Variants in IGF2BP3 observed in about 807,000 individuals in gnomAD.
IGF2BP3 encodes insulin like growth factor 2 mRNA binding protein 3, also known as insulin-like growth factor 2 mRNA-binding protein 3.
In IGF2BP3, 9 loss-of-function variants were observed where a neutral mutation model predicts 73.8. That is an observed-to-expected ratio of 0.12 (90% CI 0.07 to 0.21). IGF2BP3 has a LOEUF of 0.21. Ranked by LOEUF, IGF2BP3 falls within the 10% of genes least tolerant of loss-of-function variation. The pLI is 1.00. For missense variants in IGF2BP3, 542 were observed against 714.0 expected (o/e 0.76, Z 2.75); for synonymous variants, 258 against 256.7 (o/e 1.01, Z -0.05).
In IGF2BP3 at chr7:23,311,105, T is replaced by G. The variant is rs1783814938; in HGVS notation, c.*1257A>C. ...TCCTGTTATACTTTACTACTTAAGG[T>G]GGAGTCTAATTTTTTTTTTTTAATT... On this transcript the variant is annotated 3_prime_UTR_variant, in exon 15 of 15. Transcript: ENST00000258729. 6.6e-6 allele frequency: 1 copy of G among 152,104 alleles called. No individual in the cohort carries two copies. The highest frequency in any genetic ancestry group is 1.5e-5 in the Non-Finnish European group (1 of 68,024). The allele number at this position is 152,104 out of a possible 1,614,324, so 9.4% of individuals were successfully genotyped here.
intron 3 of IGF2BP3, among the ~76,000 whole-genome samples, chr7:23,406,175 G>A (rs1786824028): frequency 6.6e-6 from 1 of 152,044 alleles, no homozygotes; most frequent in Admixed American, 6.6e-5. Context: ...AGAAGCTATA[G>A]TTCCAAGGGG....
chr7:23,360,217 T>C (rs775100337), intron 5 of IGF2BP3, among the ~76,000 whole-genome samples: 4 of 152,164 alleles, frequency 2.6e-5, no homozygotes, highest in African/African-American at 9.7e-5. Context: ...ATCATGTGGA[T>C]ACATGCTTAC....
rs138438351 is a variant in IGF2BP3, at chr7:23,342,074, G to A, written c.1193C>T (p.Pro398Leu). The A allele has an allele frequency of 9.9e-5, 156 of 1,579,044 alleles. No homozygotes were observed. The highest frequency in any genetic ancestry group is 2.1e-4 in the Middle Eastern group (1 of 4,800). The change falls in exon 10 of 15, where the codon CCG becomes CTG. Residue 398 changes from proline (P) to leucine (L), a missense_variant. Physicochemically the swap from Pro to Leu is moderately conservative, Grantham distance 98. Transcript: ENST00000258729. ...GGCCAGTTATCTTACCTCAAACTGC[G>A]GGTAGGGAGGAGTCATGGCTGAAGG... ...GPPSAMTPPYPQFEQSETETV... is the reference protein window; with the variant it reads ...GPPSAMTPPYLQFEQSETETV...
chr7:23,444,143 T>A (rs1477605747), intron 2 of IGF2BP3, among the ~76,000 whole-genome samples: 1 of 152,180 alleles, frequency 6.6e-6, no homozygotes, highest in Admixed American at 6.6e-5. Context: ...GTTTGGGGGT[T>A]TTGTTCTTTT....
At chr7:23,366,331 T>C (rs1039560047) in intron 3 of IGF2BP3, among the ~76,000 whole-genome samples, 1 of 151,824 alleles carries the variant, frequency 6.6e-6, no homozygotes, top group Non-Finnish European at 1.5e-5. Flanking sequence ...AGAGACGGGG[T>C]TTCACCATGT....
intron 2 of IGF2BP3, among the ~76,000 whole-genome samples, chr7:23,445,813 A>C (rs921995221): frequency 6.6e-6 from 1 of 152,180 alleles, no homozygotes; most frequent in African/African-American, 2.4e-5. Context: ...GTTATGTTTA[A>C]GTAGAGGGCA....
chr7:23,360,434 T>G (rs1328814063), intron 5 of IGF2BP3, among the ~76,000 whole-genome samples: 4 of 152,208 alleles, frequency 2.6e-5, no homozygotes, highest in African/African-American at 9.7e-5. Flanking sequence ...AATACATACA[T>G]GTAGCATTTG....
In IGF2BP3 at chr7:23,333,946, C is replaced by A. The variant is rs527240628; in HGVS notation, c.1203+8118G>T. 2.6e-5 allele frequency among the ~76,000 whole-genome samples: 4 copies of A among 152,250 alleles called. No homozygotes were observed. In the East Asian group the frequency reaches 7.7e-4, roughly 29 times the overall value. On this transcript the variant is annotated intron_variant, in intron 10 of 14. Transcript: ENST00000258729. ...AAGATTACTTTTCAAGAAAATTTTC[C>A]TCTGGGAATGTAAGGCAGCTCACAT... is the stretch of plus-strand genomic sequence containing the variant.
intron 6 of IGF2BP3, among the ~76,000 whole-genome samples, chr7:23,349,687 C>A (rs1562691483): frequency 6.6e-6 from 1 of 152,196 alleles, no homozygotes; most frequent in Admixed American, 6.5e-5. Flanking sequence ...ATTAAATCCA[C>A]TGGCAGAGCT....
intron 3 of IGF2BP3, among the ~76,000 whole-genome samples, chr7:23,398,663 GTGA>G (rs1307353121): frequency 8.5e-5 from 13 of 152,318 alleles, no homozygotes; most frequent in African/African-American, 2.9e-4. Context: ...CTGATGGCCA[GTGA>G]TGATGAGCAT....
intron 10 of IGF2BP3, among the ~76,000 whole-genome samples, chr7:23,323,106 A>T (rs1311345168): frequency 6.6e-6 from 1 of 152,202 alleles, no homozygotes; most frequent in Non-Finnish European, 1.5e-5. Flanking sequence ...TAAATGCTCC[A>T]ATTAAAAGAC....
chr7:23,324,960 A>G (rs1353031854), intron 10 of IGF2BP3, among the ~76,000 whole-genome samples: 2 of 148,720 alleles, frequency 1.3e-5, no homozygotes, highest in African/African-American at 5.0e-5. Flanking sequence ...CCCACAGCCA[A>G]TATCATACTG....
chr7:23,464,260 G>T (rs1169423166), intron 2 of IGF2BP3, among the ~76,000 whole-genome samples: 2 of 152,112 alleles, frequency 1.3e-5, no homozygotes, highest in Admixed American at 6.5e-5. Context: ...TTAAAACCCC[G>T]ATGACTTTTA....
At chr7:23,381,960 A>C (rs995567197) in intron 3 of IGF2BP3, among the ~76,000 whole-genome samples, 19 of 152,230 alleles carry the variant, frequency 1.2e-4, no homozygotes, top group Admixed American at 3.9e-4. Flanking sequence ...CTGTTCATTA[A>C]AATGCCACTA....
intron 3 of IGF2BP3, among the ~76,000 whole-genome samples, chr7:23,369,218 C>G (rs1785475425): frequency 6.6e-6 from 1 of 152,040 alleles, no homozygotes; most frequent in African/African-American, 2.4e-5. Flanking sequence ...CGCATGCAAC[C>G]ACAAGCAGAA....
chr7:23,452,789 G>A (rs1172674520), intron 2 of IGF2BP3, among the ~76,000 whole-genome samples: 1 of 140,630 alleles, frequency 7.1e-6, no homozygotes, highest in Non-Finnish European at 1.5e-5. Context: ...GCAACAGTGC[G>A]AGACTCATCT....
intron 2 of IGF2BP3, among the ~76,000 whole-genome samples, chr7:23,425,971 A>G (rs1045053698): frequency 7.2e-6 from 1 of 139,410 alleles, no homozygotes. Context: ...ATCTCAAAAA[A>G]AACAAACAAA....
At chr7:23,375,428 G>T (rs1349626157) in intron 3 of IGF2BP3, among the ~76,000 whole-genome samples, 1 of 152,092 alleles carries the variant, frequency 6.6e-6, no homozygotes, top group African/African-American at 2.4e-5. Flanking sequence ...AAAGAACTAG[G>T]ACAGCACTGA....
At position 23,347,671 on chromosome 7, in the gene IGF2BP3, A is replaced by G. The variant is rs536688145; in HGVS notation, c.747T>C (p.Thr249=). The G allele has an allele frequency of 1.9e-6, 3 of 1,614,072 alleles. No individual in the cohort carries two copies. In the South Asian group the frequency reaches 3.3e-5, roughly 18 times the overall value. The part of the protein sequence containing the change: ...AAEKSITILS[T]PEGTSAACKS... ...TACAAGCCGCAGAGGTGCCTTCAGG[A>G]GTAGAGAGGATAGTAATCGACTTCT... Residue 249 remains threonine (T), a synonymous_variant, in exon 7 of 15, where the codon ACT becomes ACC. Transcript: ENST00000258729.
Sources: gnomAD v4.1 joint callset for allele counts (sites outside exome capture counted in the v4.1 genomes callset) on GRCh38, gnomAD v4.1.1 for gene constraint, MANE v1.5 for transcripts, NCBI Gene and HGNC (gene_info 2026-07-23, HGNC 2026-07-21) for gene names.